The following TNFSF10 variants were observed in gnomAD, a reference collection of about 807,000 sequenced individuals.
TNFSF10 encodes the protein tumor necrosis factor ligand superfamily member 10.
A neutral mutation model predicts 29.5 loss-of-function variants in TNFSF10; 13 were observed. The observed-to-expected ratio is 0.44, with a 90% CI of 0.29 to 0.70. The LOEUF is 0.70. Ranked by LOEUF, TNFSF10 falls within the 30% of genes least tolerant of loss-of-function variation. The pLI, the probability that TNFSF10 is intolerant of heterozygous loss-of-function variation, is 0.13. For missense variants in TNFSF10, 345 were observed against 330.9 expected, an observed-to-expected ratio of 1.04 and a Z score of -0.33; for synonymous variants, 111 against 112.8, an observed-to-expected ratio of 0.98 and a Z score of 0.10.
At chr3:172,511,756 T>A (rs1713235012) in intron 2 of TNFSF10, 97 bp from the exon 3 acceptor site, 2 of 1,036,030 alleles carry the variant, frequency 1.9e-6, no homozygotes, top group South Asian at 2.9e-5. Flanking sequence ...TAACAGGAAA[T>A]TTCTACATGC....
chr3:172,510,516 A>G (rs983226344), intron 3 of TNFSF10, among the ~76,000 whole-genome samples: 6 of 152,174 alleles, frequency 3.9e-5, no homozygotes, highest in African/African-American at 1.4e-4. Flanking sequence ...GAAATTTCCA[A>G]CTGGTTATAG....
chr3:172,514,080 C>A (rs770500501), intron 2 of TNFSF10, among the ~76,000 whole-genome samples: 58 of 152,248 alleles, frequency 3.8e-4, no homozygotes, highest in Middle Eastern at 3.4e-3. Flanking sequence ...CTCAGGTGAT[C>A]CGCCTGCCTC....
chr3:172,513,051 A>C (rs907367551), intron 2 of TNFSF10, among the ~76,000 whole-genome samples: 2 of 152,228 alleles, frequency 1.3e-5, no homozygotes, highest in South Asian at 4.1e-4. Context: ...TGAAAAGAAA[A>C]AGAGAATTAT....
intron 1 of TNFSF10, among the ~76,000 whole-genome samples, chr3:172,522,705 C>T (rs1713750589): frequency 6.6e-6 from 1 of 152,202 alleles, no homozygotes. Flanking sequence ...ATTCTCATGT[C>T]CCCATAAGCA....
intron 1 of TNFSF10, among the ~76,000 whole-genome samples, chr3:172,515,411 T>TA (rs1713388399): frequency 6.6e-6 from 1 of 152,200 alleles, no homozygotes; most frequent in African/African-American, 2.4e-5. Flanking sequence ...CCTACCTAGA[T>TA]ACAAGGTCGG....
intron 4 of TNFSF10, chr3:172,507,395 C>G (rs953358328): frequency 3.9e-5 from 6 of 153,152 alleles, no homozygotes; most frequent in African/African-American, 1.4e-4. Context: ...TTGGGTCCCC[C>G]CTTGATCTTT....
At chr3:172,507,046 ACTT>A (rs1424606665) in intron 4 of TNFSF10, 127 bp from the exon 5 acceptor site, 1 of 763,634 alleles carries the variant, frequency 1.3e-6, no homozygotes, top group Non-Finnish European at 2.0e-6. Flanking sequence ...CTAATATCAA[ACTT>A]CTTCCTCCTT....
Position 172,506,520 on chromosome 3 carries a change from C to G in TNFSF10, c.818G>C (p.Ser273Thr). ...GCCAACTAAAAAGGCCCCAAAAAAA[C>G]TGGCTTCATGGTCCATGTCTATCAA... is the stretch of plus-strand genomic sequence containing the variant. ...EHLIDMDHEA[S>T]FFGAFLVG The change falls in exon 5 of 5, where the codon AGT becomes ACT. Residue 273 changes from serine to threonine, a missense_variant. Ser to Thr is a moderately conservative substitution (Grantham distance 58, BLOSUM62 1). Transcript: ENST00000241261. 3 of 1,605,382 alleles carry G rather than the reference C, an allele frequency of 1.9e-6. No individual in the cohort carries two copies. The highest frequency in any genetic ancestry group is 2.5e-6 in the Non-Finnish European group (3 of 1,177,550).
intron 1 of TNFSF10, chr3:172,517,726 A>G: frequency 1.0e-6 from 1 of 984,722 alleles, no homozygotes. Flanking sequence ...ATCTGTATGA[A>G]AATTATACAT....
chr3:172,518,313 G>A (rs1713526671), intron 1 of TNFSF10: 1 of 1,226,008 alleles, frequency 8.2e-7, no homozygotes, highest in Non-Finnish European at 1.0e-6. Flanking sequence ...TCTTGGTGCT[G>A]TTACAAACAC....
intron 4 of TNFSF10, among the ~76,000 whole-genome samples, chr3:172,508,045 A>G (rs1713061721): frequency 6.6e-6 from 1 of 152,182 alleles, no homozygotes; most frequent in Non-Finnish European, 1.5e-5. Flanking sequence ...TTTACACTAT[A>G]AGACCCATGC....
At chr3:172,518,212 G>A (rs1028469096) in intron 1 of TNFSF10, 49 of 1,112,014 alleles carry the variant, frequency 4.4e-5, no homozygotes, top group African/African-American at 4.1e-4. Context: ...TTTCATTTGC[G>A]TGCCTCTGAA....
intron 1 of TNFSF10, among the ~76,000 whole-genome samples, chr3:172,519,578 A>C (rs1228348771): frequency 6.6e-6 from 1 of 152,236 alleles, no homozygotes. Context: ...TTACAGTTTC[A>C]TTAATATTTT....
Position 172,506,450 on chromosome 3 carries a change from G to A in TNFSF10, c.*42C>T. The A allele has an allele frequency of 6.5e-7, 1 of 1,541,318 alleles. No individual in the cohort carries two copies. The highest frequency in any genetic ancestry group is 8.7e-7 in the Non-Finnish European group (1 of 1,148,312). On this transcript the variant is annotated 3_prime_UTR_variant, in exon 5 of 5. Transcript: ENST00000241261. ...TTCATAGTGTATCATCCTGAAAACTGAATAGTCACTTTGAGGTTATTGCTT... is the reference window on the plus strand; with the variant it reads ...TTCATAGTGTATCATCCTGAAAACTAAATAGTCACTTTGAGGTTATTGCTT...
At position 172,518,059 on chromosome 3, in the gene TNFSF10, T is replaced by C. The variant is rs1713513545; in HGVS notation, c.133-3061A>G. On this transcript the variant is annotated intron_variant, in intron 1 of 4. Transcript: ENST00000241261. ...GCTGTGGTTATTCCAAGAATGATAA[T>C]TAATACGATACGTCTCCCCCGCCTC... The C allele has an allele frequency of 4.0e-6, 4 of 1,000,770 alleles. No homozygotes were observed. The African/African-American group carries it at 6.9e-5, about 17-fold the overall frequency. 62.0% of individuals were successfully genotyped at this position (1,000,770 alleles called of 1,614,324 possible). A position where few individuals can be genotyped will look rare whatever the true frequency, so the allele number is the denominator to read the frequency against.
At chr3:172,511,790 G>T in intron 2 of TNFSF10, 131 bp from the exon 3 acceptor site, 1 of 715,034 alleles carries the variant, frequency 1.4e-6, no homozygotes, top group Non-Finnish European at 2.3e-6. Context: ...GAAGTTTTAA[G>T]TTGGTCAAGC....
intron 1 of TNFSF10, chr3:172,518,347 A>G (rs907497804): frequency 3.9e-6 from 5 of 1,275,080 alleles, no homozygotes; most frequent in South Asian, 1.3e-5. Context: ...GCCAGGGTCA[A>G]CCAGTCCTTG....
chr3:172,512,085 C>T (rs1349743674), intron 2 of TNFSF10, among the ~76,000 whole-genome samples: 1 of 152,004 alleles, frequency 6.6e-6, no homozygotes, highest in Non-Finnish European at 1.5e-5. Context: ...GTAGCAGAGC[C>T]CAGGGGCTTA....
At chr3:172,510,348 G>A (rs968787981) in intron 3 of TNFSF10, among the ~76,000 whole-genome samples, 6 of 151,946 alleles carry the variant, frequency 3.9e-5, no homozygotes, top group Admixed American at 2.0e-4. Context: ...CCTACTATTC[G>A]GGAAGCTGAG....
Sources: allele counts gnomAD v4.1 joint callset (sites outside exome capture counted in the v4.1 genomes callset), GRCh38; gene constraint gnomAD v4.1.1; transcripts MANE v1.5; gene names NCBI Gene and HGNC (gene_info 2026-07-23, HGNC 2026-07-21).